The following SLC37A3 variants were observed in gnomAD, a reference collection of about 807,000 sequenced individuals.
SLC37A3 encodes sugar phosphate exchanger 3.
SLC37A3 carries 51 observed loss-of-function variants against 67.1 expected under a neutral mutation model. The observed-to-expected ratio is 0.76, with a 90% CI of 0.61 to 0.96. The LOEUF (loss-of-function observed/expected upper bound fraction) is 0.96, where lower values mean the gene tolerates loss of function less well. Among genes scored for constraint, SLC37A3 ranks in the 40% least tolerant of loss-of-function variants. SLC37A3 has a pLI of 0.00. For synonymous variants in SLC37A3, 214 were observed against 231.4 expected (o/e 0.92, Z 0.68); for missense variants, 508 against 603.0 (o/e 0.84, Z 1.65).
chr7:140,397,200 T>C (rs1170946821), intron 1 of SLC37A3, among the ~76,000 whole-genome samples: 1 of 129,824 alleles, frequency 7.7e-6, no homozygotes, highest in East Asian at 2.5e-4. Context: ...AAACTCAGTC[T>C]CAAAAAAAAA....
intron 2 of SLC37A3, among the ~76,000 whole-genome samples, chr7:140,381,869 C>G (rs1232014950): frequency 6.6e-6 from 1 of 151,782 alleles, no homozygotes; most frequent in Admixed American, 6.6e-5. Flanking sequence ...TATTTAGTAG[C>G]CGGGCATGGT....
chr7:140,353,031 G>A (rs1330720444), intron 7 of SLC37A3, among the ~76,000 whole-genome samples: 2 of 152,120 alleles, frequency 1.3e-5, no homozygotes, highest in African/African-American at 4.8e-5. Context: ...GGCCATGAAT[G>A]AAGGGAATGA....
At chr7:140,363,723 A>C (rs1194724107) in intron 5 of SLC37A3, among the ~76,000 whole-genome samples, 3 of 147,946 alleles carry the variant, frequency 2.0e-5, no homozygotes, top group Non-Finnish European at 4.5e-5. Flanking sequence ...TAAAAAAAAA[A>C]GAGCAAAACT....
At chr7:140,347,247 C>CAAA (rs554765652) in intron 10 of SLC37A3, among the ~76,000 whole-genome samples, 32 of 71,550 alleles carry the variant, frequency 4.5e-4, no homozygotes, top group African/African-American at 1.5e-3. Context: ...CCCCCATCTC[C>CAAA]AAAAAAAAAA....
intron 13 of SLC37A3, among the ~76,000 whole-genome samples, chr7:140,340,418 C>A (rs1176912884): frequency 6.6e-6 from 1 of 151,904 alleles, no homozygotes; most frequent in Admixed American, 6.6e-5. Context: ...GGTCCTGGCA[C>A]CCTTGTCAAA....
chr7:140,369,511 C>T, intron 4 of SLC37A3, 79 bp downstream of exon 4: 1 of 1,181,784 alleles, frequency 8.5e-7, no homozygotes, highest in Non-Finnish European at 1.2e-6. Context: ...TTCAAAATCC[C>T]TTACAAATTT....
chr7:140,394,233 T>C (rs893704030), intron 1 of SLC37A3, among the ~76,000 whole-genome samples: 1 of 152,010 alleles, frequency 6.6e-6, no homozygotes, highest in African/African-American at 2.4e-5. Flanking sequence ...ACTGAATGCT[T>C]ACAAAGTACT....
intron 10 of SLC37A3, among the ~76,000 whole-genome samples, chr7:140,347,412 G>A (rs550275089): frequency 6.6e-6 from 1 of 152,272 alleles, no homozygotes; most frequent in South Asian, 2.1e-4. Flanking sequence ...GGGGCTATTG[G>A]ACATCTGGTG....
At chr7:140,376,653 C>T (rs1206227772) in intron 3 of SLC37A3, among the ~76,000 whole-genome samples, 2 of 152,200 alleles carry the variant, frequency 1.3e-5, no homozygotes, top group Admixed American at 6.5e-5. Flanking sequence ...AGGGCTTCCT[C>T]AAAGTGGTGA....
At chr7:140,379,168 A>G (rs1436397332) in intron 3 of SLC37A3, 1 of 152,066 alleles carries the variant, frequency 6.6e-6, no homozygotes, top group Non-Finnish European at 1.5e-5. Context: ...CTCTACAAAA[A>G]AATTTAAATT....
intron 1 of SLC37A3, among the ~76,000 whole-genome samples, chr7:140,384,572 A>T (rs2129848757): frequency 6.6e-6 from 1 of 151,656 alleles, no homozygotes; most frequent in African/African-American, 2.4e-5. Context: ...AAAAAACAAC[A>T]GCCAAGCGTG....
At position 140,352,063 on chromosome 7, in the gene SLC37A3, A is replaced by G; in HGVS notation, c.702T>C (p.Ile234=). The change falls in exon 8 of 15, where the codon ATT becomes ATC. Residue 234 remains isoleucine, a splice_region_variant and synonymous_variant. Coordinates refer to ENST00000326232, the MANE Select transcript of SLC37A3 (RefSeq NM_207113.3). ...ATAGAAGGGGCGGCTTCTCCTCACC[A>G]ATTTCTTCTGGTGACACCAGGAGTC... ...FFGLLVSPEE[I]GLSGIEAEEN... is the part of the protein sequence containing the mutation. 1.2e-6 allele frequency: 2 copies of G among 1,611,018 alleles called. No homozygotes were observed. Among genetic ancestry groups the G allele is most frequent in the South Asian group, 1.1e-5 (1 of 90,022 alleles).
intron 4 of SLC37A3, among the ~76,000 whole-genome samples, chr7:140,366,050 G>A (rs1797589179): frequency 7.1e-6 from 1 of 140,776 alleles, no homozygotes; most frequent in African/African-American, 2.6e-5. Flanking sequence ...CAATTCTCCT[G>A]CCGTAGCCTC....
chr7:140,372,573 C>G (rs1797862422), intron 3 of SLC37A3, among the ~76,000 whole-genome samples: 7 of 152,066 alleles, frequency 4.6e-5, no homozygotes, highest in Admixed American at 4.6e-4. Flanking sequence ...TTTTAAAAAG[C>G]CAATGTCGGC....
intron 12 of SLC37A3, 96 bp from the exon 13 acceptor site, chr7:140,343,659 T>C: frequency 1.5e-6 from 2 of 1,334,266 alleles, no homozygotes; most frequent in East Asian, 4.9e-5. Flanking sequence ...TTTCTTAATA[T>C]GTTGGAGAGA....
chr7:140,358,918 G>A (rs1030482778), intron 5 of SLC37A3, 133 bp from the exon 6 acceptor site: 4 of 1,132,830 alleles, frequency 3.5e-6, no homozygotes, highest in Admixed American at 2.1e-5. Flanking sequence ...TGTAAGTCAC[G>A]TGGCCAGCAT....
intron 5 of SLC37A3, among the ~76,000 whole-genome samples, chr7:140,359,784 C>T (rs1797191228): frequency 6.6e-6 from 1 of 152,028 alleles, no homozygotes; most frequent in South Asian, 2.1e-4. Flanking sequence ...GAAAAATGAT[C>T]AGGGGTTGCC....
At chr7:140,370,016 A>T (rs1797758129) in intron 3 of SLC37A3, among the ~76,000 whole-genome samples, 1 of 152,190 alleles carries the variant, frequency 6.6e-6, no homozygotes, top group Admixed American at 6.5e-5. Context: ...AGGCTGAGGC[A>T]CAAGAATTGC....
At chr7:140,337,253 C>CTT (rs11331602) in intron 14 of SLC37A3, 31 bp downstream of exon 14, 866 of 1,303,700 alleles carry the variant, frequency 6.6e-4, no homozygotes, top group Non-Finnish European at 7.7e-4. Flanking sequence ...AGAAAAATGA[C>CTT]TTTTTTTTTT....
Sources: allele counts gnomAD v4.1 joint callset (sites outside exome capture counted in the v4.1 genomes callset), GRCh38; gene constraint gnomAD v4.1.1; transcripts MANE v1.5; gene names NCBI Gene and HGNC (gene_info 2026-07-23, HGNC 2026-07-21).